TM9SF4: variants seen among roughly 807,000 people sequenced by gnomAD.
TM9SF4 encodes transmembrane 9 superfamily member 4.
Under a neutral mutation model 90.4 loss-of-function variants are expected in TM9SF4, and 26 were observed. The observed-to-expected ratio is 0.29, with a 90% confidence interval of 0.21 to 0.40. TM9SF4 has a LOEUF of 0.40. Among genes scored for constraint, TM9SF4 ranks in the 10% least tolerant of loss-of-function variants. The probability of loss-of-function intolerance (pLI) is 1.00; values close to 1 mark genes in which losing one functional copy is unlikely to be tolerated. For missense variants in TM9SF4, 549 were observed against 834.8 expected (o/e 0.66, Z 4.22); for synonymous variants, 293 against 315.4 (o/e 0.93, Z 0.75).
chr20:32,159,847 A>C, intron 15 of TM9SF4, 145 bp from the exon 16 acceptor site: 3 of 1,147,162 alleles, frequency 2.6e-6, no homozygotes, highest in Non-Finnish European at 3.8e-6. Context: ...GCTCTGGGGA[A>C]GAGGGGCCAG....
rs1569109644 is a variant in TM9SF4 at position 32,160,009 on chromosome 20, G to A, written c.1587G>A (p.Gln529=). 6.2e-7 allele frequency: 1 copy of A among 1,614,250 alleles called. No homozygotes were observed. The highest frequency in any genetic ancestry group is 1.1e-5 in the South Asian group (1 of 91,088). ...FFIFSAIWEN[Q]FYYLFGFLFL... Reference sequence around the variant, plus strand: ...GTCCACAGGCTATCTGGGAGAATCAGTTCTATTACCTCTTTGGCTTCCTGT... The same window carrying A: ...GTCCACAGGCTATCTGGGAGAATCAATTCTATTACCTCTTTGGCTTCCTGT... Residue 529 remains glutamine (Q), a synonymous_variant, in exon 16 of 18, where the codon CAG becomes CAA. Transcript: ENST00000398022.
chr20:32,141,884 G>A lies in TM9SF4; in HGVS notation c.517G>A (p.Asp173Asn), dbSNP rs1304174066. The A allele has an allele frequency of 1.2e-6, 2 of 1,614,092 alleles. No individual in the cohort carries two copies. Among genetic ancestry groups the A allele is most frequent in the Non-Finnish European group, 8.5e-7 (1 of 1,180,006 alleles). ...ACACGGCTACCGGCTCGGCTTCACA[G>A]ATGTCAACAAGGTAGAGTGTCTTTG... ...FEHGYRLGFT[D>N]VNKIYLHNHL... The change falls in exon 5 of 18, where the codon GAT becomes AAT. Residue 173 changes from aspartate (D) to asparagine (N), a missense_variant. By Grantham distance (23) the Asp-to-Asn change is conservative (BLOSUM62 1). Transcript: ENST00000398022.
intron 1 of TM9SF4, among the ~76,000 whole-genome samples, chr20:32,131,689 G>A (rs139136101): frequency 7.9e-4 from 120 of 152,306 alleles, no homozygotes; most frequent in Middle Eastern, 3.4e-3. Flanking sequence ...TTGAGTTGGT[G>A]ATTTAGGCGT....
chr20:32,136,896 T>C, intron 3 of TM9SF4: 1 of 471,222 alleles, frequency 2.1e-6, no homozygotes, highest in Non-Finnish European at 4.4e-6. Flanking sequence ...AGGAGAGAAC[T>C]GGTTCTTGAG....
intron 13 of TM9SF4, among the ~76,000 whole-genome samples, chr20:32,156,740 T>C (rs1238639408): frequency 1.3e-5 from 2 of 151,588 alleles, no homozygotes; most frequent in African/African-American, 4.9e-5. Flanking sequence ...ACTGAGTAGC[T>C]GGGACTACAG....
At position 32,123,014 on chromosome 20, in the gene TM9SF4, C is replaced by T. The variant is rs1051591170; in HGVS notation, c.16-9999C>T. ...AAACCCCGTCTCCACCAAAAAAATA[C>T]GAAAACCAGTCAGGCGTGGCGGCGT... On this transcript the variant is annotated intron_variant, in intron 1 of 17. Coordinates refer to ENST00000398022, the MANE Select transcript of TM9SF4 (RefSeq NM_014742.4). 6.0e-5 allele frequency among the ~76,000 whole-genome samples: 9 copies of T among 151,250 alleles called. No individual in the cohort carries two copies. The South Asian group carries it at 8.4e-4, about 14-fold the overall frequency.
At chr20:32,147,348 T>A (rs1212482178) in intron 9 of TM9SF4, among the ~76,000 whole-genome samples, 1 of 152,158 alleles carries the variant, frequency 6.6e-6, no homozygotes, top group African/African-American at 2.4e-5. Flanking sequence ...CCCAAAGTGA[T>A]AGGGATGGCC....
At position 32,141,447 on chromosome 20, in the gene TM9SF4, A is replaced by C. The variant is rs2046676687; in HGVS notation, c.230-50A>C. 5 of 1,601,496 alleles carry C rather than the reference A, an allele frequency of 3.1e-6. No homozygotes were observed. The East Asian group carries it at 8.9e-5, about 29-fold the overall frequency. On this transcript the variant is annotated intron_variant, in intron 3 of 17. Transcript: ENST00000398022. ...GTGTCTCTGTGACTCTGCTGACCTC[A>C]GCAACCTCAGGGCTGAAGCTCTGAG...
chr20:32,121,375 G>A (rs1272298859), intron 1 of TM9SF4, among the ~76,000 whole-genome samples: 5 of 151,834 alleles, frequency 3.3e-5, no homozygotes, highest in Non-Finnish European at 7.4e-5. Flanking sequence ...GTGTCCCTGG[G>A]TACTTGAGAT....
intron 1 of TM9SF4, among the ~76,000 whole-genome samples, chr20:32,117,156 G>A (rs150671184): frequency 1.9e-4 from 28 of 149,678 alleles, no homozygotes; most frequent in African/African-American, 6.6e-4. Context: ...CCCAGGAGGC[G>A]GAGGTTGCAG....
intron 1 of TM9SF4, among the ~76,000 whole-genome samples, chr20:32,117,666 G>A (rs562088859): frequency 1.3e-4 from 20 of 150,916 alleles, no homozygotes; most frequent in African/African-American, 4.9e-4. Context: ...AGATGGGGAG[G>A]GAAAGACCTT....
intron 1 of TM9SF4, among the ~76,000 whole-genome samples, chr20:32,115,460 C>T (rs1007910723): frequency 3.9e-5 from 6 of 152,200 alleles, no homozygotes; most frequent in African/African-American, 1.4e-4. Flanking sequence ...TGCTTTGATC[C>T]CTGAACCATT....
intron 1 of TM9SF4, among the ~76,000 whole-genome samples, chr20:32,123,866 A>ATATATATATATATTTTTTTTTTTTTT: frequency 4.3e-5 from 4 of 93,976 alleles, no homozygotes; most frequent in African/African-American, 1.4e-4. Flanking sequence ...ATATATATAT[A>ATATATATATATATTTTTTTTTTTTTT]TTTTTTTTTT....
intron 16 of TM9SF4, 108 bp from the exon 17 acceptor site, chr20:32,161,168 A>G (rs1047069641): frequency 1.3e-5 from 11 of 834,746 alleles, no homozygotes; most frequent in Non-Finnish European, 1.8e-5. Context: ...CCATCACCCC[A>G]TATGTTACTG....
At chr20:32,144,506 A>G (rs6061187) in intron 6 of TM9SF4, among the ~76,000 whole-genome samples, 2,697 of 152,276 alleles carry the variant, frequency 0.018, 53 homozygotes, top group African/African-American at 0.048. Context: ...GTGAAGGAAC[A>G]CTGACTCAGG....
intron 3 of TM9SF4, among the ~76,000 whole-genome samples, chr20:32,136,496 G>A (rs1439839721): frequency 2.0e-5 from 3 of 151,994 alleles, no homozygotes; most frequent in Admixed American, 6.6e-5. Context: ...TATTTACACC[G>A]CCTCTTCTTG....
chr20:32,139,061 G>A (rs2046634017), intron 3 of TM9SF4, among the ~76,000 whole-genome samples: 1 of 152,218 alleles, frequency 6.6e-6, no homozygotes, highest in South Asian at 2.1e-4. Flanking sequence ...AAACAGGGTG[G>A]AGGGGTGAGG....
chr20:32,165,805 A>G lies in TM9SF4; in HGVS notation c.*361A>G. Reference sequence around the variant, plus strand: ...GGATCCAGGATGGATAAATCCACCGAGATAAGGGTTTTGGTCACTGTCTCC... The same window carrying G: ...GGATCCAGGATGGATAAATCCACCGGGATAAGGGTTTTGGTCACTGTCTCC... On this transcript the variant is annotated 3_prime_UTR_variant, in exon 18 of 18. Transcript: ENST00000398022. 4.3e-6 allele frequency: 1 copy of G among 230,144 alleles called. No homozygotes were observed. The highest frequency in any genetic ancestry group is 8.8e-6 in the Non-Finnish European group (1 of 113,288). The allele number at this position is 230,144 out of a possible 1,614,324, so 14.3% of individuals were successfully genotyped here.
intron 1 of TM9SF4, among the ~76,000 whole-genome samples, chr20:32,125,953 A>G (rs1254748900): frequency 6.6e-6 from 1 of 151,914 alleles, no homozygotes; most frequent in Non-Finnish European, 1.5e-5. Flanking sequence ...TATAGGCATG[A>G]ACCACCGCAC....
Sources: gnomAD v4.1 joint callset for allele counts (sites outside exome capture counted in the v4.1 genomes callset) on GRCh38, gnomAD v4.1.1 for gene constraint, MANE v1.5 for transcripts, NCBI Gene and HGNC (gene_info 2026-07-23, HGNC 2026-07-21) for gene names.